Variants in SGCZ observed in about 807,000 individuals in gnomAD.
SGCZ encodes the protein sarcoglycan zeta.
In SGCZ, 40 loss-of-function variants were observed where a neutral mutation model predicts 41.3. That is an observed-to-expected ratio of 0.97 (90% CI 0.75 to 1.26). The LOEUF (loss-of-function observed/expected upper bound fraction) is 1.26. Among genes scored for constraint, SGCZ ranks in the 50% most tolerant of loss-of-function variants. SGCZ has a pLI of 0.00. For synonymous variants in SGCZ, 206 were observed against 137.5 expected, an observed-to-expected ratio of 1.50 and a Z score of -3.49; for missense variants, 552 against 369.8, an observed-to-expected ratio of 1.49 and a Z score of -4.04.
At chr8:14,455,392 T>TC (rs1447503722) in intron 2 of SGCZ, among the ~76,000 whole-genome samples, 1 of 151,840 alleles carries the variant, frequency 6.6e-6, no homozygotes, top group African/African-American at 2.4e-5. Flanking sequence ...AAACAGGCCC[T>TC]CTCACATATT....
chr8:14,426,653 G>A (rs950962226), intron 2 of SGCZ, among the ~76,000 whole-genome samples: 5 of 152,080 alleles, frequency 3.3e-5, no homozygotes, highest in African/African-American at 1.2e-4. Context: ...CCAAGAGCCA[G>A]AAAATGAATA....
At chr8:14,536,591 G>C (rs1159069542) in intron 2 of SGCZ, among the ~76,000 whole-genome samples, 1 of 151,760 alleles carries the variant, frequency 6.6e-6, no homozygotes, top group Non-Finnish European at 1.5e-5. Flanking sequence ...TAAGCCAACT[G>C]AAAATCTCCA....
chr8:14,596,518 G>C (rs1803615599), intron 1 of SGCZ, among the ~76,000 whole-genome samples: 2 of 152,058 alleles, frequency 1.3e-5, no homozygotes, highest in African/African-American at 4.8e-5. Flanking sequence ...AAAGGTTATA[G>C]AAATGTCTTA....
chr8:14,364,213 G>A (rs888697892), intron 2 of SGCZ, among the ~76,000 whole-genome samples: 1 of 100,738 alleles, frequency 9.9e-6, no homozygotes, highest in South Asian at 5.3e-4. Context: ...AATTAACTTA[G>A]AGCTTTTAAT....
At chr8:14,809,624 C>G (rs1801678754) in intron 1 of SGCZ, among the ~76,000 whole-genome samples, 1 of 151,954 alleles carries the variant, frequency 6.6e-6, no homozygotes, top group Admixed American at 6.6e-5. Flanking sequence ...AATACTAGAC[C>G]CTCAATTGTC....
chr8:15,131,002 A>G (rs1261024160), intron 1 of SGCZ, among the ~76,000 whole-genome samples: 1 of 152,194 alleles, frequency 6.6e-6, no homozygotes, highest in Non-Finnish European at 1.5e-5. Context: ...CTGTAGTTTC[A>G]AATGAAGTTA....
chr8:14,327,343 A>G (rs1011859697), intron 2 of SGCZ, among the ~76,000 whole-genome samples: 1 of 152,180 alleles, frequency 6.6e-6, no homozygotes, highest in African/African-American at 2.4e-5. Context: ...ATAACATGAC[A>G]TGGGGCTTTA....
intron 4 of SGCZ, among the ~76,000 whole-genome samples, chr8:14,229,786 A>C (rs576172256): frequency 1.5e-4 from 23 of 152,248 alleles, no homozygotes; most frequent in African/African-American, 5.5e-4. Context: ...TAATTGCTTT[A>C]ACGCAAGATT....
In SGCZ at chr8:15,043,601, A is replaced by T. The variant is rs376656633; in HGVS notation, c.39+193984T>A. Reference sequence around the variant, plus strand: ...TTTTTAAAACTTGTGAAAATAGTATAAAATAACATTAAAATACAATTTTAA... The same window carrying T: ...TTTTTAAAACTTGTGAAAATAGTATTAAATAACATTAAAATACAATTTTAA... On this transcript the variant is annotated intron_variant, in intron 1 of 7. Coordinates refer to ENST00000382080, the MANE Select transcript of SGCZ (RefSeq NM_139167.4). Among the ~76,000 whole-genome samples the T allele has an allele frequency of 2.0e-5, 3 of 152,178 alleles. No individual in the cohort carries two copies. In the East Asian group the frequency reaches 5.8e-4, roughly 29 times the overall value.
In SGCZ at chr8:15,111,901, A is replaced by C. The variant is rs1016281733; in HGVS notation, c.39+125684T>G. On this transcript the variant is annotated intron_variant, in intron 1 of 7. Transcript: ENST00000382080. Reference sequence around the variant, plus strand: ...GCAACAGAGCGAGACTCCGTCTCCCAAAAAAAAAAAAAAATCCCTCCTTTC... The same window carrying C: ...GCAACAGAGCGAGACTCCGTCTCCCCAAAAAAAAAAAAAATCCCTCCTTTC... Among the ~76,000 whole-genome samples the C allele has an allele frequency of 4.2e-3, 172 of 40,898 alleles. 2 individuals are homozygous for C. The East Asian group carries it at 0.076, about 18-fold the overall frequency. 26.8% of individuals were successfully genotyped at this position (40,898 alleles called of 152,430 possible).
intron 1 of SGCZ, among the ~76,000 whole-genome samples, chr8:14,580,679 A>G (rs1474186622): frequency 6.6e-6 from 1 of 152,230 alleles, no homozygotes; most frequent in Non-Finnish European, 1.5e-5. Flanking sequence ...AGTTTAAAAC[A>G]TTTTGGGAAA....
intron 2 of SGCZ, among the ~76,000 whole-genome samples, chr8:14,526,919 A>G (rs1461077577): frequency 1.3e-5 from 2 of 152,148 alleles, no homozygotes; most frequent in Non-Finnish European, 2.9e-5. Flanking sequence ...TTTTGCAAAG[A>G]AGATTGTTAA....
At chr8:14,452,474 C>A (rs1380465277) in intron 2 of SGCZ, among the ~76,000 whole-genome samples, 2 of 151,848 alleles carry the variant, frequency 1.3e-5, no homozygotes, top group Non-Finnish European at 2.9e-5. Flanking sequence ...CAGAGCAAGA[C>A]TCGATCTCAA....
chr8:14,239,120 A>G (rs1039941464), intron 3 of SGCZ, among the ~76,000 whole-genome samples: 12 of 152,064 alleles, frequency 7.9e-5, no homozygotes, highest in Non-Finnish European at 1.5e-4. Context: ...ATCCTAATCA[A>G]GTGATATATC....
intron 1 of SGCZ, among the ~76,000 whole-genome samples, chr8:14,708,412 G>C (rs1291241624): frequency 6.6e-6 from 1 of 151,428 alleles, no homozygotes; most frequent in Non-Finnish European, 1.5e-5. Flanking sequence ...TTTAAAAACA[G>C]GCAGTCACTC....
At chr8:14,604,656 G>C (rs1445826443) in intron 1 of SGCZ, among the ~76,000 whole-genome samples, 2 of 152,128 alleles carry the variant, frequency 1.3e-5, no homozygotes, top group Admixed American at 1.3e-4. Flanking sequence ...ACAGCTCATA[G>C]TATTGTTTCC....
intron 1 of SGCZ, among the ~76,000 whole-genome samples, chr8:14,774,312 T>C (rs1371853288): frequency 6.6e-6 from 1 of 152,192 alleles, no homozygotes; most frequent in African/African-American, 2.4e-5. Context: ...TCTCTATAAT[T>C]GCATCAGCCA....
chr8:14,293,414 A>C (rs1357796018), intron 3 of SGCZ, among the ~76,000 whole-genome samples: 1 of 152,032 alleles, frequency 6.6e-6, no homozygotes, highest in African/African-American at 2.4e-5. Context: ...ATGAAATTCC[A>C]ATGGTCAAAC....
chr8:14,305,418 T>C (rs1261955629), intron 3 of SGCZ, among the ~76,000 whole-genome samples: 1 of 152,182 alleles, frequency 6.6e-6, no homozygotes, highest in African/African-American at 2.4e-5. Context: ...AAAATCTCAA[T>C]GAGGTTTCAT....
Sources: gnomAD v4.1 joint callset for allele counts (sites outside exome capture counted in the v4.1 genomes callset) on GRCh38, gnomAD v4.1.1 for gene constraint, MANE v1.5 for transcripts, NCBI Gene and HGNC (gene_info 2026-07-23, HGNC 2026-07-21) for gene names.